The following RUNX1 variants were observed in gnomAD, a reference collection of about 807,000 sequenced individuals.
The protein encoded by RUNX1 is RUNX family transcription factor 1.
RUNX1 carries 19 observed loss-of-function variants against 42.8 expected under a neutral mutation model. The observed-to-expected ratio is 0.44, with a 90% CI of 0.31 to 0.65. The LOEUF is 0.65. RUNX1 is among the 30% of genes least tolerant of loss of function. RUNX1 has a pLI of 0.07. For synonymous variants in RUNX1, 271 were observed against 289.4 expected, an observed-to-expected ratio of 0.94 and a Z score of 0.64; for missense variants, 528 against 672.0, an observed-to-expected ratio of 0.79 and a Z score of 2.37.
intron 2 of RUNX1, among the ~76,000 whole-genome samples, chr21:35,046,454 T>C (rs1424148997): frequency 1.3e-5 from 2 of 152,106 alleles, no homozygotes; most frequent in Admixed American, 6.5e-5. Flanking sequence ...CAGTTGCCGT[T>C]GGGGAGGGAA....
chr21:34,790,858 C>T lies in RUNX1; in HGVS notation c.*1277G>A, dbSNP rs2056425383. On this transcript the variant is annotated 3_prime_UTR_variant, in exon 9 of 9. Transcript: ENST00000675419. ...TTTGGTTCCTATGTAAATGTGGCTC[C>T]CCTACACAGTTTACTTTGGCTGTGT... 1 of 233,132 alleles carries T rather than the reference C, an allele frequency of 4.3e-6. No individual in the cohort carries two copies. Among genetic ancestry groups the T allele is most frequent in the Admixed American group, 5.6e-5 (1 of 17,780 alleles). 14.4% of individuals were successfully genotyped at this position (233,132 alleles called of 1,614,324 possible).
intron 2 of RUNX1, among the ~76,000 whole-genome samples, chr21:34,898,344 G>A (rs1475950988): frequency 3.9e-5 from 6 of 152,116 alleles, no homozygotes; most frequent in African/African-American, 9.7e-5. Context: ...CAATTTGCTC[G>A]TTTTACAGCA....
chr21:34,969,168 C>A (rs1458688680), intron 2 of RUNX1, among the ~76,000 whole-genome samples: 1 of 152,156 alleles, frequency 6.6e-6, no homozygotes, highest in Non-Finnish European at 1.5e-5. Flanking sequence ...TCAAACACAA[C>A]CCTGTCTGAA....
intron 5 of RUNX1, among the ~76,000 whole-genome samples, chr21:34,872,189 A>G (rs1312982998): frequency 2.0e-5 from 3 of 152,166 alleles, no homozygotes; most frequent in Admixed American, 2.0e-4. Flanking sequence ...ACTGACATCA[A>G]TTCCCATTCC....
At chr21:34,906,208 G>A (rs2058217901) in intron 2 of RUNX1, among the ~76,000 whole-genome samples, 1 of 152,220 alleles carries the variant, frequency 6.6e-6, no homozygotes, top group Admixed American at 6.5e-5. Flanking sequence ...CTGGGTAGCA[G>A]AACAGCAGCC....
intron 7 of RUNX1, among the ~76,000 whole-genome samples, chr21:34,806,365 G>A (rs990218598): frequency 6.6e-6 from 1 of 152,168 alleles, no homozygotes; most frequent in African/African-American, 2.4e-5. Flanking sequence ...TGACTTCAGA[G>A]GAAGGACAAT....
rs1428964687 is a variant in RUNX1 at position 34,790,413 on chromosome 21, A to G, written c.*1722T>C. 4.3e-6 allele frequency: 1 copy of G among 233,642 alleles called. No homozygotes were observed. Among genetic ancestry groups the G allele is most frequent in the Non-Finnish European group, 8.5e-6 (1 of 118,068 alleles). 14.5% of individuals were successfully genotyped at this position (233,642 alleles called of 1,614,324 possible). A position where few individuals can be genotyped will look rare whatever the true frequency, so the allele number is the denominator to read the frequency against. On this transcript the variant is annotated 3_prime_UTR_variant, in exon 9 of 9. Coordinates refer to ENST00000675419, the MANE Select transcript of RUNX1 (RefSeq NM_001754.5). ...TGAAATCGTTTCAACGAATTTTAAG[A>G]GGTACGTTAAATAACCACCAGATCA...
intron 2 of RUNX1, among the ~76,000 whole-genome samples, chr21:34,929,882 T>C (rs2058426522): frequency 6.6e-6 from 1 of 152,102 alleles, no homozygotes; most frequent in South Asian, 2.1e-4. Context: ...CCTTGAACTG[T>C]TGTCATCCCG....
rs75249737 is a variant in RUNX1, at chr21:34,892,367, G to A, written c.97+558C>T. Among the ~76,000 whole-genome samples, 446 of 152,236 alleles carry A rather than the reference G, an allele frequency of 2.9e-3. 2 individuals carry two copies. The highest frequency in any genetic ancestry group is 0.01 in the African/African-American group (427 of 41,518). Reference sequence around the variant, plus strand: ...TTCACTTTTCAAATCTAATTACTATGAGAGGGGGGAGGAGAGCCCTTAGTT... The same window carrying A: ...TTCACTTTTCAAATCTAATTACTATAAGAGGGGGGAGGAGAGCCCTTAGTT... On this transcript the variant is annotated intron_variant, in intron 3 of 8. Transcript: ENST00000675419.
chr21:35,035,026 A>C lies in RUNX1; in HGVS notation c.58+13816T>G, dbSNP rs532924881. 9.8e-5 allele frequency among the ~76,000 whole-genome samples: 15 copies of C among 152,340 alleles called. 1 individual carries two copies. In the South Asian group the frequency reaches 2.5e-3, roughly 25 times the overall value. On this transcript the variant is annotated intron_variant, in intron 2 of 8. Coordinates refer to ENST00000675419, the MANE Select transcript of RUNX1 (RefSeq NM_001754.5). ...GATGCATTAGTGACCACGCGCACTCACTGGGATAACCCACTTGGGGTTCAC... is the reference window on the plus strand; with the variant it reads ...GATGCATTAGTGACCACGCGCACTCCCTGGGATAACCCACTTGGGGTTCAC...
intron 7 of RUNX1, chr21:34,821,151 G>T: frequency 1.1e-6 from 1 of 902,256 alleles, no homozygotes; most frequent in African/African-American, 1.8e-5. Flanking sequence ...CCACTCTGGG[G>T]CTCCCGAGGA....
intron 2 of RUNX1, among the ~76,000 whole-genome samples, chr21:35,014,959 G>A (rs2059149615): frequency 6.6e-6 from 1 of 152,258 alleles, no homozygotes; most frequent in South Asian, 2.1e-4. Flanking sequence ...CAGAGCATAT[G>A]CTGCACAGCC....
chr21:34,983,863 G>T lies in RUNX1; in HGVS notation c.58+64979C>A, dbSNP rs550657768. ...TGGTTTGGTGTGGGGGTGGAGCAGG[G>T]TCATCACCATTAACTCTGAAGTTTA... On this transcript the variant is annotated intron_variant, in intron 2 of 8. Transcript: ENST00000675419. Among the ~76,000 whole-genome samples, 5 of 152,276 alleles carry T rather than the reference G, an allele frequency of 3.3e-5. No homozygotes were observed. In the South Asian group the frequency reaches 1.0e-3, roughly 32 times the overall value.
chr21:34,859,851 A>T (rs1378152305), intron 5 of RUNX1, among the ~76,000 whole-genome samples: 1 of 152,260 alleles, frequency 6.6e-6, no homozygotes, highest in Non-Finnish European at 1.5e-5. Flanking sequence ...CTGTTAAGTC[A>T]GGATTTCCGG....
chr21:34,959,903 A>C (rs1196412259), intron 2 of RUNX1, among the ~76,000 whole-genome samples: 1 of 152,164 alleles, frequency 6.6e-6, no homozygotes, highest in Non-Finnish European at 1.5e-5. Flanking sequence ...TGGGCAACCT[A>C]GTAACAGGGT....
At chr21:34,952,913 G>A (rs893995264) in intron 2 of RUNX1, among the ~76,000 whole-genome samples, 3 of 152,184 alleles carry the variant, frequency 2.0e-5, no homozygotes, top group African/African-American at 7.2e-5. Flanking sequence ...GAATCACACA[G>A]GCTATGTCTG....
At chr21:34,978,128 CG>C in intron 2 of RUNX1, among the ~76,000 whole-genome samples, 1 of 152,146 alleles carries the variant, frequency 6.6e-6, no homozygotes, top group East Asian at 1.9e-4. Context: ...TTAGTAGAGA[CG>C]GGGTTTCACC....
rs144021838 is a variant in RUNX1, at chr21:34,968,689, A to G, written c.59-75726T>C. On this transcript the variant is annotated intron_variant, in intron 2 of 8. Coordinates refer to ENST00000675419, the MANE Select transcript of RUNX1 (RefSeq NM_001754.5). The stretch of plus-strand genomic sequence containing the variant: ...CCCAAACCCCAGGAGTTTCTGGAAC[A>G]TTCCAACTCTGCTTGAGGGTATCCA... Among the ~76,000 whole-genome samples the G allele has an allele frequency of 3.9e-3, 598 of 152,170 alleles. 2 individuals carry two copies. The highest frequency in any genetic ancestry group is 0.014 in the African/African-American group (574 of 41,498).
rs1305499603 is a variant in RUNX1 at position 34,791,060 on chromosome 21, C to A, written c.*1075G>T. On this transcript the variant is annotated 3_prime_UTR_variant, in exon 9 of 9. Transcript: ENST00000675419. ...GATATGAGACCCTTGTTGAGCCTGG[C>A]AGAAAATTCCATACTTCTGATCCTT... The A allele has an allele frequency of 4.3e-6, 1 of 233,682 alleles. No individual in the cohort carries two copies. Among genetic ancestry groups the A allele is most frequent in the Non-Finnish European group, 8.5e-6 (1 of 118,034 alleles). The allele number at this position is 233,682 out of a possible 1,614,324, so 14.5% of individuals were successfully genotyped here.
Sources: gnomAD v4.1 joint callset for allele counts (sites outside exome capture counted in the v4.1 genomes callset) on GRCh38, gnomAD v4.1.1 for gene constraint, MANE v1.5 for transcripts, NCBI Gene and HGNC (gene_info 2026-07-23, HGNC 2026-07-21) for gene names.